Variants in RNF144A observed in about 807,000 individuals in gnomAD.
RNF144A encodes the protein ring finger protein 144A.
Under a neutral mutation model 38.7 loss-of-function variants are expected in RNF144A, and 11 were observed. The observed-to-expected ratio is 0.28, with a 90% CI of 0.18 to 0.47. RNF144A has a LOEUF of 0.47. RNF144A is among the 20% of genes least tolerant of loss of function. The pLI is 0.99. For synonymous variants in RNF144A, 149 were observed against 143.9 expected (o/e 1.04, Z -0.25); for missense variants, 316 against 377.2 (o/e 0.84, Z 1.34).
chr2:6,931,384 G>T (rs944943029), intron 1 of RNF144A, among the ~76,000 whole-genome samples: 25 of 152,232 alleles, frequency 1.6e-4, no homozygotes, highest in African/African-American at 2.9e-4. Flanking sequence ...AACCTTGAAG[G>T]CCTGTCCAAA....
intron 1 of RNF144A, among the ~76,000 whole-genome samples, chr2:6,924,882 G>T (rs1180579750): frequency 1.3e-5 from 2 of 152,232 alleles, no homozygotes; most frequent in Non-Finnish European, 2.9e-5. Context: ...GGTGCCAGTT[G>T]TGCACTCACA....
At chr2:7,061,288 G>C (rs1014076833) in intron 6 of RNF144A, among the ~76,000 whole-genome samples, 1 of 152,138 alleles carries the variant, frequency 6.6e-6, no homozygotes, top group Admixed American at 6.5e-5. Context: ...CTCCGAGTTG[G>C]TTTCTGACTT....
chr2:6,947,046 T>C (rs1666383273), intron 2 of RNF144A, among the ~76,000 whole-genome samples: 1 of 152,160 alleles, frequency 6.6e-6, no homozygotes, highest in Non-Finnish European at 1.5e-5. Flanking sequence ...TTACAATGTA[T>C]CTTCTAGTCC....
At chr2:7,049,014 G>GTA (rs1247207272), downstream of RNF144A, among the ~76,000 whole-genome samples, 2 of 152,208 alleles carry the variant, frequency 1.3e-5, no homozygotes, top group Non-Finnish European at 2.9e-5. Flanking sequence ...GGGATTTACA[G>GTA]TGTAGACAAT....
rs1347629247 is a variant in RNF144A at position 7,041,809 on chromosome 2, C to T, written c.*2049C>T. The T allele has an allele frequency of 1.0e-6, 1 of 985,506 alleles. No homozygotes were observed. The highest frequency in any genetic ancestry group is 1.2e-6 in the Non-Finnish European group (1 of 829,998). 61.0% of individuals were successfully genotyped at this position (985,506 alleles called of 1,614,324 possible). A position where few individuals can be genotyped will look rare whatever the true frequency, so the allele number is the denominator to read the frequency against. ...TCGCATGAGCCCACACAGTAGCACC[C>T]CCGTCCTTAGGATGAGAGTCAGAGC... is the stretch of plus-strand genomic sequence containing the variant. On this transcript the variant is annotated 3_prime_UTR_variant, in exon 9 of 9. Transcript: ENST00000320892.
chr2:7,024,402 C>T lies in RNF144A; in HGVS notation c.543C>T (p.Pro181=). Residue 181 remains proline, a synonymous_variant, in exon 7 of 9, where the codon CCC becomes CCT. Coordinates refer to ENST00000320892, the MANE Select transcript of RNF144A (RefSeq NM_014746.6). ...AAFKMEEDDA[P]IKRCPKCKVY... ...TCAAAATGGAAGAAGATGACGCGCC[C>T]ATCAAGCGCTGCCCCAAGTGCAAAG... 6.2e-7 allele frequency: 1 copy of T among 1,610,474 alleles called. No homozygotes were observed. The highest frequency in any genetic ancestry group is 8.5e-7 in the Non-Finnish European group (1 of 1,176,770).
the RNF144A span, among the ~76,000 whole-genome samples, chr2:7,073,552 A>G: frequency 6.6e-6 from 1 of 152,198 alleles, no homozygotes; most frequent in African/African-American, 2.4e-5. Flanking sequence ...CCCTGGAGAT[A>G]ATGAGGTGTC....
chr2:7,051,355 A>G (rs1043241111), intron 6 of RNF144A, among the ~76,000 whole-genome samples: 1 of 152,134 alleles, frequency 6.6e-6, no homozygotes, highest in Non-Finnish European at 1.5e-5. Flanking sequence ...GTAGAGCGGT[A>G]AGGGACAGAG....
intron 8 of RNF144A, among the ~76,000 whole-genome samples, chr2:7,037,177 A>AT (rs1346182997): frequency 1.3e-5 from 2 of 152,026 alleles, no homozygotes; most frequent in African/African-American, 2.4e-5. Flanking sequence ...TTCCTGTCTC[A>AT]TTTTTTACTG....
At chr2:6,932,473 A>G (rs771297) in intron 1 of RNF144A, among the ~76,000 whole-genome samples, 128,847 of 152,132 alleles carry the variant, frequency 0.85, 55,274 homozygotes, top group Non-Finnish European at 0.92. Flanking sequence ...TTTTTCCTTA[A>G]TATATTAAGT....
At position 7,040,041 on chromosome 2, in the gene RNF144A, TTCTC is replaced by T. The variant is rs1672953708; in HGVS notation, c.*285_*288del. 8.7e-7 allele frequency: 1 copy of T among 1,151,172 alleles called. No individual in the cohort carries two copies. The highest frequency in any genetic ancestry group is 1.6e-5 in the African/African-American group (1 of 61,930). 71.3% of individuals were successfully genotyped at this position (1,151,172 alleles called of 1,614,324 possible). A position where few individuals can be genotyped will look rare whatever the true frequency, so the allele number is the denominator to read the frequency against. ...GCTGTGAGAAGTGCACCAGGCAGCT[TTCTC>T]TCTGTGGTAGACTAGGCATGTCTGG... On this transcript the variant is annotated 3_prime_UTR_variant, in exon 9 of 9. Transcript: ENST00000320892.
chr2:6,943,092 G>T lies in RNF144A; in HGVS notation c.-12+1945G>T, dbSNP rs545911139. Among the ~76,000 whole-genome samples, 8 of 152,220 alleles carry T rather than the reference G, an allele frequency of 5.3e-5. No individual in the cohort carries two copies. The highest frequency in any genetic ancestry group is 5.2e-4 in the Admixed American group (8 of 15,286). ...TGGGTGGTCCTATCCAGATCTGATCGTTTAAGAGGGCGGTATGTGCTGGAG... is the reference window on the plus strand; with the variant it reads ...TGGGTGGTCCTATCCAGATCTGATCTTTTAAGAGGGCGGTATGTGCTGGAG... On this transcript the variant is annotated intron_variant, in intron 2 of 8. Coordinates refer to ENST00000320892, the MANE Select transcript of RNF144A (RefSeq NM_014746.6). This position sits in a 1 kb window ranked among gnomAD's most constrained non-coding sequence, Gnocchi z 4.3.
chr2:6,966,578 A>C (rs1473602901), intron 2 of RNF144A, among the ~76,000 whole-genome samples: 1 of 152,216 alleles, frequency 6.6e-6, no homozygotes, highest in Non-Finnish European at 1.5e-5. Flanking sequence ...AAAGCAGCCC[A>C]CTATAAAAAG....
chr2:7,049,329 A>G (rs898045447), intron 6 of RNF144A, among the ~76,000 whole-genome samples: 1 of 152,248 alleles, frequency 6.6e-6, no homozygotes, highest in African/African-American at 2.4e-5. Context: ...GATGCTTCCA[A>G]AATAACTAAG....
chr2:7,064,449 G>C (rs1483514826), intron 6 of RNF144A, among the ~76,000 whole-genome samples: 1 of 152,146 alleles, frequency 6.6e-6, no homozygotes, highest in Non-Finnish European at 1.5e-5. Context: ...GGAGTGAGGG[G>C]GCTTCAGGAA....
In RNF144A at chr2:7,043,248, T is replaced by G. The variant is rs1426079549; in HGVS notation, c.*3488T>G. Reference sequence around the variant, plus strand: ...TTTAGGGCACAGGCCAGTTCCTGATTAGAACACAGGACCTGTGGGAGGGAC... The same window carrying G: ...TTTAGGGCACAGGCCAGTTCCTGATGAGAACACAGGACCTGTGGGAGGGAC... On this transcript the variant is annotated 3_prime_UTR_variant, in exon 9 of 9. Transcript: ENST00000320892. 2.0e-6 allele frequency: 2 copies of G among 984,986 alleles called. No homozygotes were observed. Among genetic ancestry groups the G allele is most frequent in the African/African-American group, 3.5e-5 (2 of 57,220 alleles). 61.0% of individuals were successfully genotyped at this position (984,986 alleles called of 1,614,324 possible). A position where few individuals can be genotyped will look rare whatever the true frequency, so the allele number is the denominator to read the frequency against.
At chr2:7,001,390 T>G (rs1212042954) in intron 3 of RNF144A, among the ~76,000 whole-genome samples, 3 of 149,734 alleles carry the variant, frequency 2.0e-5, no homozygotes, top group African/African-American at 7.4e-5. Context: ...AAAGTGTAAC[T>G]TTTTGCCCAG....
intron 1 of RNF144A, among the ~76,000 whole-genome samples, chr2:6,938,048 T>C (rs1211354447): frequency 2.0e-5 from 3 of 152,194 alleles, no homozygotes; most frequent in African/African-American, 7.2e-5. Flanking sequence ...AAAGAGGCAG[T>C]TGAATTTGTT....
intron 2 of RNF144A, among the ~76,000 whole-genome samples, chr2:6,990,598 CACACAG>C (rs1669300540): frequency 1.3e-5 from 2 of 148,298 alleles, no homozygotes; most frequent in Non-Finnish European, 3.0e-5. Flanking sequence ...CACACACACA[CACACAG>C]ATATATAGAC....
Sources: allele counts gnomAD v4.1 joint callset (sites outside exome capture counted in the v4.1 genomes callset), GRCh38; gene constraint gnomAD v4.1.1; non-coding constraint Gnocchi (gnomAD v3.1); transcripts MANE v1.5; gene names NCBI Gene and HGNC (gene_info 2026-07-23, HGNC 2026-07-21).